HDLBP: variants seen among roughly 807,000 people sequenced by gnomAD.
HDLBP encodes the protein high density lipoprotein binding protein.
In HDLBP, 30 loss-of-function variants were observed where a neutral mutation model predicts 137.3. The ratio of observed to expected loss-of-function variants is 0.22; its 90% CI spans 0.16 to 0.30. The LOEUF is 0.30. Ranked by LOEUF, HDLBP falls within the 10% of genes least tolerant of loss-of-function variation. HDLBP has a pLI of 1.00. For synonymous variants in HDLBP, 606 were observed against 596.0 expected, an observed-to-expected ratio of 1.02 and a Z score of -0.24; for missense variants, 1,119 against 1,667.3, an observed-to-expected ratio of 0.67 and a Z score of 5.73.
At chr2:241,262,172 A>C (rs945506279) in intron 5 of HDLBP, among the ~76,000 whole-genome samples, 1 of 152,240 alleles carries the variant, frequency 6.6e-6, no homozygotes, top group East Asian at 1.9e-4. Flanking sequence ...AATCTCCTCA[A>C]TTTGGGGCCT....
At chr2:241,298,045 CAAAAAAAAAAAAAAAAAAAA>C (rs71049568) in intron 1 of HDLBP, among the ~76,000 whole-genome samples, 11 of 23,360 alleles carry the variant, frequency 4.7e-4, no homozygotes, top group African/African-American at 1.6e-3. Flanking sequence ...GACCCTGTCT[CAAAAAAAAAAAAAAAAAAAA>C]AAAAAAAAAA....
At chr2:241,295,408 CCTCT>C (rs1262002648) in intron 1 of HDLBP, among the ~76,000 whole-genome samples, 1 of 152,124 alleles carries the variant, frequency 6.6e-6, no homozygotes, top group Non-Finnish European at 1.5e-5. Flanking sequence ...GTTTAGAAAA[CCTCT>C]CTATTATAAT....
In HDLBP at chr2:241,266,874, G is replaced by T. The variant is rs369638407; in HGVS notation, c.-5C>A. ...CAAAACTGCAACGGAACTCATGGTT[G>T]ATCTCACACCTACACACAATCCGGG... On this transcript the variant is annotated 5_prime_UTR_variant, in exon 3 of 28. Coordinates refer to ENST00000310931, the MANE Select transcript of HDLBP (RefSeq NM_005336.6). The T allele has an allele frequency of 9.3e-6, 15 of 1,613,868 alleles. No individual in the cohort carries two copies. The highest frequency in any genetic ancestry group is 1.3e-5 in the African/African-American group (1 of 74,920).
chr2:241,251,758 T>C (rs2149463478), intron 11 of HDLBP, among the ~76,000 whole-genome samples: 1 of 152,330 alleles, frequency 6.6e-6, no homozygotes, highest in East Asian at 1.9e-4. Context: ...GCAGATCAAC[T>C]AAGGTCAGCA....
chr2:241,304,509 G>A (rs2075504731), intron 1 of HDLBP, among the ~76,000 whole-genome samples: 1 of 152,252 alleles, frequency 6.6e-6, no homozygotes, highest in African/African-American at 2.4e-5. Context: ...ACAAGCAGCA[G>A]GTTACTGCAG....
At chr2:241,237,521 G>C (rs1450057248) in intron 20 of HDLBP, among the ~76,000 whole-genome samples, 1 of 152,104 alleles carries the variant, frequency 6.6e-6, no homozygotes, top group South Asian at 2.1e-4. Context: ...TGAAATCAAG[G>C]GTGATCCTAG....
chr2:241,267,809 C>T (rs2073792326), intron 2 of HDLBP: 2 of 1,474,228 alleles, frequency 1.4e-6, no homozygotes. Flanking sequence ...GTTATTCTCC[C>T]ATCCCTCCAG....
intron 1 of HDLBP, among the ~76,000 whole-genome samples, chr2:241,276,462 A>C (rs1214979433): frequency 6.6e-6 from 1 of 152,202 alleles, no homozygotes; most frequent in African/African-American, 2.4e-5. Flanking sequence ...GCAATGAAAA[A>C]GCAAGGTAAA....
At chr2:241,274,782 C>T (rs1371137241) in intron 1 of HDLBP, among the ~76,000 whole-genome samples, 6 of 152,168 alleles carry the variant, frequency 3.9e-5, no homozygotes, top group Non-Finnish European at 2.9e-5. Flanking sequence ...ATAAATAGTT[C>T]GTAGAAGCAA....
intron 23 of HDLBP, 91 bp from the exon 24 acceptor site, chr2:241,234,054 A>T: frequency 7.0e-7 from 1 of 1,434,004 alleles, no homozygotes; most frequent in Non-Finnish European, 9.7e-7. Flanking sequence ...AGGACACTGG[A>T]GATGCTGCAG....
Position 241,302,196 on chromosome 2 carries a change from T to C in HDLBP, c.-103+13374A>G, listed in dbSNP as rs1207358655. On this transcript the variant is annotated intron_variant, in intron 1 of 27. Coordinates refer to ENST00000310931, the MANE Select transcript of HDLBP (RefSeq NM_005336.6). ...TCATTTGAGCCCAGGAGTTCGAGAC[T>C]GCAGTGAGCTATGATAGTGTCACTG... is the stretch of plus-strand genomic sequence containing the variant. Among the ~76,000 whole-genome samples, 16 of 152,200 alleles carry C rather than the reference T, an allele frequency of 1.1e-4. No homozygotes were observed. In the East Asian group the frequency reaches 2.5e-3, roughly 24 times the overall value.
chr2:241,230,014 C>A lies in HDLBP; in HGVS notation c.3592-53G>T. 6.4e-7 allele frequency: 1 copy of A among 1,572,538 alleles called. No individual in the cohort carries two copies. The highest frequency in any genetic ancestry group is 8.6e-7 in the Non-Finnish European group (1 of 1,157,602). On this transcript the variant is annotated intron_variant, in intron 26 of 27. Coordinates refer to ENST00000310931, the MANE Select transcript of HDLBP (RefSeq NM_005336.6). This position sits in a 1 kb window ranked among gnomAD's most constrained non-coding sequence, Gnocchi z 5.0. ...TCAGTCTGCCCAGCACCCCCAGCAT[C>A]CCGCCCGCCTGCTCACCCCTGCACC...
chr2:241,305,990 G>C (rs1212408209), intron 1 of HDLBP, among the ~76,000 whole-genome samples: 7 of 151,964 alleles, frequency 4.6e-5, no homozygotes, highest in African/African-American at 1.7e-4. Context: ...TCGATCTCCT[G>C]ACCTCGTGAT....
Position 241,246,787 on chromosome 2 carries a change from C to A in HDLBP, c.1915G>T (p.Ala639Ser), listed in dbSNP as rs1483735019. 6.2e-7 allele frequency: 1 copy of A among 1,614,198 alleles called. No individual in the cohort carries two copies. Among genetic ancestry groups the A allele is most frequent in the Non-Finnish European group, 8.5e-7 (1 of 1,180,018 alleles). The change falls in exon 16 of 28, where the codon GCC becomes TCC. Residue 639 changes from alanine to serine, a missense_variant. Physicochemically the swap from Ala to Ser is moderately conservative, Grantham distance 99. Transcript: ENST00000310931. ...ITGKRANCEA[A>S]RSRILSIQKD... ...TGAATAGACAGAATCCTGCTCCGGG[C>A]AGCTTCGCAGTTGGCTCGCTTGCCT...
chr2:241,230,068 C>T lies in HDLBP; in HGVS notation c.3591+85G>A. ...CCTGCCTCTGGAAACACAAGTGCCACCTTGTCCCCTGAAGCTCCTGGCTGG... is the reference window on the plus strand; with the variant it reads ...CCTGCCTCTGGAAACACAAGTGCCATCTTGTCCCCTGAAGCTCCTGGCTGG... On this transcript the variant is annotated intron_variant, in intron 26 of 27. Coordinates refer to ENST00000310931, the MANE Select transcript of HDLBP (RefSeq NM_005336.6). The surrounding 1 kb of genome is among the most constrained non-coding windows in gnomAD (Gnocchi z 5.0). 1 of 1,583,962 alleles carries T rather than the reference C, an allele frequency of 6.3e-7. No individual in the cohort carries two copies. The highest frequency in any genetic ancestry group is 1.1e-5 in the South Asian group (1 of 89,242).
chr2:241,243,671 C>T, intron 16 of HDLBP: 1 of 152,388 alleles, frequency 6.6e-6, no homozygotes, highest in Admixed American at 6.5e-5. Flanking sequence ...GAACCGTCCT[C>T]AGCAGTTTCA....
rs6716124 is a variant in HDLBP, at chr2:241,250,780, A to C, written c.1373-800T>G. On this transcript the variant is annotated intron_variant, in intron 11 of 27. Transcript: ENST00000310931. ...CATGGACATGCAGCTGTGCCAGGTG[A>C]AGCAACACAAGACAAGAGAAGCAGA... The C allele has an allele frequency of 3.3e-5, 5 of 152,312 alleles. No individual in the cohort carries two copies. In the East Asian group the frequency reaches 7.7e-4, roughly 24 times the overall value. The allele number at this position is 152,312 out of a possible 1,614,324, so 9.4% of individuals were successfully genotyped here.
At chr2:241,276,790 A>G (rs1178696021) in intron 1 of HDLBP, among the ~76,000 whole-genome samples, 1 of 152,204 alleles carries the variant, frequency 6.6e-6, no homozygotes, top group Non-Finnish European at 1.5e-5. Context: ...AAACATATAA[A>G]GTAAAAACTG....
At position 241,266,560 on chromosome 2, in the gene HDLBP, C is replaced by A. The variant is rs2073689281; in HGVS notation, c.76+234G>T. 3 of 496,838 alleles carry A rather than the reference C, an allele frequency of 6.0e-6. No individual in the cohort carries two copies. The East Asian group carries it at 9.9e-5, about 16-fold the overall frequency. The allele number at this position is 496,838 out of a possible 1,614,324, so 30.8% of individuals were successfully genotyped here. On this transcript the variant is annotated intron_variant, in intron 3 of 27. Coordinates refer to ENST00000310931, the MANE Select transcript of HDLBP (RefSeq NM_005336.6). ...ACCAATGGTCAAATTCGCTGGCTTT[C>A]CAGAAAGCTGCCCACATGTTAAATC...
Sources: allele counts gnomAD v4.1 joint callset (sites outside exome capture counted in the v4.1 genomes callset), GRCh38; gene constraint gnomAD v4.1.1; non-coding constraint Gnocchi (gnomAD v3.1); transcripts MANE v1.5; gene names NCBI Gene and HGNC (gene_info 2026-07-23, HGNC 2026-07-21).